MKS1: variants seen among roughly 807,000 people sequenced by gnomAD.
MKS1 encodes the protein tectonic-like complex member MKS1.
In MKS1, 70 loss-of-function variants were observed where a neutral mutation model predicts 83.7. That is an observed-to-expected ratio of 0.84 (90% CI 0.69 to 1.02). MKS1 has a LOEUF of 1.02. MKS1 is among the 50% of genes least tolerant of loss of function. The probability of loss-of-function intolerance (pLI) is 0.00; values close to 1 mark genes in which losing one functional copy is unlikely to be tolerated. For missense variants in MKS1, 681 were observed against 726.9 expected (o/e 0.94, Z 0.73); for synonymous variants, 251 against 273.4 (o/e 0.92, Z 0.81).
chr17:58,213,031 G>A lies in MKS1; in HGVS notation c.809C>T (p.Pro270Leu). Reference protein sequence around the residue: ...LWKYTIDNVSPHAQPEEEERE... With the variant: ...LWKYTIDNVSLHAQPEEEERE... Reference sequence around the variant, plus strand: ...CTCCTCCTCCTCCGGCTGTGCGTGGGGGGAAACATTGTCGATCGTATATTT... The same window carrying A: ...CTCCTCCTCCTCCGGCTGTGCGTGGAGGGAAACATTGTCGATCGTATATTT... The change falls in exon 8 of 18, where the codon CCC becomes CTC. Residue 270 changes from proline to leucine, a missense_variant. By Grantham distance (98) the Pro-to-Leu change is moderately conservative (BLOSUM62 -3). Coordinates refer to ENST00000393119, the MANE Select transcript of MKS1 (RefSeq NM_017777.4). The A allele has an allele frequency of 6.2e-7, 1 of 1,614,110 alleles. No individual in the cohort carries two copies. The highest frequency in any genetic ancestry group is 8.5e-7 in the Non-Finnish European group (1 of 1,180,030).
chr17:58,211,035 G>C lies in MKS1; in HGVS notation c.916-13C>G. 1.2e-6 allele frequency: 2 copies of C among 1,613,842 alleles called. No individual in the cohort carries two copies. The highest frequency in any genetic ancestry group is 1.7e-6 in the Non-Finnish European group (2 of 1,179,824). On this transcript the variant is annotated splice_polypyrimidine_tract_variant and intron_variant, in intron 9 of 17. Transcript: ENST00000393119. ...CACCTGGGACAGTCTAAGGTGAAGA[G>C]AAGTGGGAAAGGATCAGCAGGCCTG...
chr17:58,217,655 A>T (rs991557720), intron 2 of MKS1, among the ~76,000 whole-genome samples: 3 of 151,580 alleles, frequency 2.0e-5, no homozygotes, highest in East Asian at 1.9e-4. Flanking sequence ...CTAAAACTTT[A>T]AAAAAAAATA....
rs772742739 is a variant in MKS1 at position 58,216,223 on chromosome 17, T to G, written c.282A>C (p.Gln94His). The G allele has an allele frequency of 6.2e-7, 1 of 1,613,564 alleles. No individual in the cohort carries two copies. Among genetic ancestry groups the G allele is most frequent in the Admixed American group, 1.7e-5 (1 of 60,030 alleles). Reference sequence around the variant, plus strand: ...AAGGACTCTGACAGGCTGTTTCATTTTGGTACAGATCTACTTCAAACTGAG... The same window carrying G: ...AAGGACTCTGACAGGCTGTTTCATTGTGGTACAGATCTACTTCAAACTGAG... Reference protein sequence around the residue: ...LFSQFEVDLYQNETACQSPLD... With the variant: ...LFSQFEVDLYHNETACQSPLD... The change falls in exon 4 of 18, where the codon CAA becomes CAC. Residue 94 changes from glutamine (Q) to histidine (H), a missense_variant. By Grantham distance (24) the Gln-to-His change is conservative. This residue lies in a region of MKS1 where 365 missense variants were observed against 383.8 expected (regional missense o/e 0.95). Coordinates refer to ENST00000393119, the MANE Select transcript of MKS1 (RefSeq NM_017777.4).
chr17:58,206,456 G>A lies in MKS1; in HGVS notation c.1490+9C>T, dbSNP rs1555596804. 1.2e-6 allele frequency: 2 copies of A among 1,614,184 alleles called. No individual in the cohort carries two copies. Among genetic ancestry groups the A allele is most frequent in the Middle Eastern group, 1.6e-4 (1 of 6,062 alleles). ...AAGGTGCCCTGAGGCAGAGGGCCAAGTCACTCACCTGGACTGCTGCAGACA... is the reference window on the plus strand; with the variant it reads ...AAGGTGCCCTGAGGCAGAGGGCCAAATCACTCACCTGGACTGCTGCAGACA... On this transcript the variant is annotated intron_variant, in intron 16 of 17. Coordinates refer to ENST00000393119, the MANE Select transcript of MKS1 (RefSeq NM_017777.4).
In MKS1 at chr17:58,205,867, G is replaced by T; in HGVS notation, c.*212C>A. The T allele has an allele frequency of 1.4e-6, 2 of 1,432,068 alleles. No homozygotes were observed. The highest frequency in any genetic ancestry group is 1.5e-5 in the South Asian group (1 of 68,698). The allele number at this position is 1,432,068 out of a possible 1,614,324, so 88.7% of individuals were successfully genotyped here. A position where few individuals can be genotyped will look rare whatever the true frequency, so the allele number is the denominator to read the frequency against. On this transcript the variant is annotated 3_prime_UTR_variant, in exon 18 of 18. Transcript: ENST00000393119. ...TTGACAGTGGCTGCAAATATAAAGG[G>T]GGGGCCACAGGGTCTCTGGCTTTAT... is the stretch of plus-strand genomic sequence containing the variant.
In MKS1 at chr17:58,213,195, A is replaced by G. The variant is rs3744105; in HGVS notation, c.750-105T>C. ...GCGATCAGGGGCCATACACCTCACT[A>G]AAGTATATGATGATAAAAGTGGCTG... On this transcript the variant is annotated intron_variant, in intron 7 of 17. Transcript: ENST00000393119. 0.45 allele frequency: 467,629 copies of G among 1,042,662 alleles called. 112,455 individuals carry two copies. The highest frequency in any genetic ancestry group is 0.8 in the African/African-American group (50,504 of 63,378). The allele number at this position is 1,042,662 out of a possible 1,614,324, so 64.6% of individuals were successfully genotyped here. A position where few individuals can be genotyped will look rare whatever the true frequency, so the allele number is the denominator to read the frequency against.
rs1968549175 is a variant in MKS1 at position 58,206,946 on chromosome 17, T to C, written c.1407+139A>G. On this transcript the variant is annotated intron_variant, in intron 15 of 17. Coordinates refer to ENST00000393119, the MANE Select transcript of MKS1 (RefSeq NM_017777.4). ...ACCTGATTCAAAATGTGGTCATGAC[T>C]TCCAGCTTAAGCCACAGGAAGGAAG... is the stretch of plus-strand genomic sequence containing the variant. 6.3e-6 allele frequency: 8 copies of C among 1,276,176 alleles called. No individual in the cohort carries two copies. The Admixed American group carries it at 1.4e-4, about 22-fold the overall frequency. The allele number at this position is 1,276,176 out of a possible 1,614,324, so 79.1% of individuals were successfully genotyped here.
In MKS1 at chr17:58,206,999, A is replaced by C; in HGVS notation, c.1407+86T>G. 7.7e-6 allele frequency: 12 copies of C among 1,568,134 alleles called. 1 individual carries two copies. The highest frequency in any genetic ancestry group is 1.1e-5 in the Non-Finnish European group (12 of 1,138,838). ...GTTAATACTGAAGCAATGCACAACT[A>C]AGGGGTCTTGACCCAGATCCCACCT... On this transcript the variant is annotated intron_variant, in intron 15 of 17. Coordinates refer to ENST00000393119, the MANE Select transcript of MKS1 (RefSeq NM_017777.4).
At position 58,206,476 on chromosome 17, in the gene MKS1, C is replaced by A. The variant is rs376833168; in HGVS notation, c.1479G>T (p.Leu493=). The A allele has an allele frequency of 6.2e-7, 1 of 1,614,058 alleles. No homozygotes were observed. The highest frequency in any genetic ancestry group is 1.3e-5 in the African/African-American group (1 of 74,944). ...TGTVTFRLHC[L]QQSRAFMESS... ...GCCAAGTCACTCACCTGGACTGCTG[C>A]AGACAGTGCAAGCGGAAGGTGACAG... The change falls in exon 16 of 18, where the codon CTG becomes CTT. Residue 493 remains leucine, a synonymous_variant. Transcript: ENST00000393119.
At chr17:58,208,048 A>G in intron 13 of MKS1, 47 bp from the exon 14 acceptor site, 1 of 1,608,990 alleles carries the variant, frequency 6.2e-7, no homozygotes, top group Non-Finnish European at 8.5e-7. Context: ...GCCTTCACCA[A>G]GAGACAGCAC....
At chr17:58,206,596 C>A (rs200222851) in intron 15 of MKS1, 49 bp from the exon 16 acceptor site, 14 of 1,541,888 alleles carry the variant, frequency 9.1e-6, no homozygotes, top group Non-Finnish European at 1.2e-5. Flanking sequence ...TCTCTAGACA[C>A]CCCCGCACCA....
chr17:58,207,414 C>A, intron 14 of MKS1, 196 bp from the exon 15 acceptor site: 1 of 695,614 alleles, frequency 1.4e-6, no homozygotes. Flanking sequence ...AATTTCCGCT[C>A]TGCCAGTTAT....
intron 15 of MKS1, chr17:58,206,871 A>T: frequency 1.5e-6 from 1 of 671,430 alleles, no homozygotes; most frequent in Non-Finnish European, 2.5e-6. Flanking sequence ...GGAAATCTCT[A>T]ATTATACTAT....
At chr17:58,207,357 AT>A (rs1323760888) in intron 14 of MKS1, 139 bp from the exon 15 acceptor site, 5 of 1,173,098 alleles carry the variant, frequency 4.3e-6, no homozygotes, top group Non-Finnish European at 6.1e-6. Flanking sequence ...GCAGGTTATC[AT>A]GGTTACCCAT....
chr17:58,218,409 C>T (rs558009650), intron 2 of MKS1: 7 of 405,182 alleles, frequency 1.7e-5, no homozygotes, highest in Admixed American at 4.5e-5. Flanking sequence ...GATAGCGACA[C>T]TGCACTTCAG....
intron 9 of MKS1, 61 bp from the exon 10 acceptor site, chr17:58,211,083 C>T (rs1194287399): frequency 6.4e-7 from 1 of 1,559,856 alleles, no homozygotes; most frequent in Non-Finnish European, 8.8e-7. Flanking sequence ...ACTTCTCCTC[C>T]AGCCCCATCT....
rs916562674 is a variant in MKS1 at position 58,206,489 on chromosome 17, C to T, written c.1466G>A (p.Arg489His). 13 of 1,613,976 alleles carry T rather than the reference C, an allele frequency of 8.1e-6. No individual in the cohort carries two copies. The highest frequency in any genetic ancestry group is 5.3e-5 in the African/African-American group (4 of 74,926). Residue 489 changes from arginine (R) to histidine (H), a missense_variant, in exon 16 of 18, where the codon CGC (arginine) becomes CAC (histidine). This residue lies in a region of MKS1 where 310 missense variants were observed against 321.7 expected (regional missense o/e 0.96). Transcript: ENST00000393119. ...CCTGGACTGCTGCAGACAGTGCAAG[C>T]GGAAGGTGACAGTGCCTGTGGTCTC... ...RTETTGTVTFRLHCLQQSRAF... is the reference protein window; with the variant it reads ...RTETTGTVTFHLHCLQQSRAF...
intron 2 of MKS1, among the ~76,000 whole-genome samples, chr17:58,218,364 C>G (rs987115717): frequency 1.4e-5 from 2 of 140,042 alleles, no homozygotes; most frequent in South Asian, 4.8e-4. Flanking sequence ...AGGAGAATCG[C>G]GTGAACCCGG....
chr17:58,208,633 T>G, intron 11 of MKS1, 50 bp from the exon 12 acceptor site: 4 of 1,525,070 alleles, frequency 2.6e-6, no homozygotes, highest in Non-Finnish European at 3.6e-6. Flanking sequence ...GGAAAGCAAG[T>G]CATTCAGAAA....
Sources: gnomAD v4.1 joint callset for allele counts (sites outside exome capture counted in the v4.1 genomes callset) on GRCh38, gnomAD v4.1.1 for gene constraint, gnomAD v4.1.1 regional missense constraint, MANE v1.5 for transcripts, NCBI Gene and HGNC (gene_info 2026-07-23, HGNC 2026-07-21) for gene names.